The following NFXL1 variants were observed in gnomAD, a reference collection of about 807,000 sequenced individuals.
NFXL1 encodes the protein nuclear transcription factor, X-box binding like 1.
NFXL1 carries 66 observed loss-of-function variants against 123.3 expected under a neutral mutation model. The observed-to-expected ratio is 0.54, with a 90% CI of 0.44 to 0.66. The LOEUF (loss-of-function observed/expected upper bound fraction) is 0.66, where lower values mean the gene tolerates loss of function less well. Ranked by LOEUF, NFXL1 falls within the 30% of genes least tolerant of loss-of-function variation. The probability of loss-of-function intolerance (pLI) is 0.00; values close to 1 mark genes in which losing one functional copy is unlikely to be tolerated. For missense variants in NFXL1, 944 were observed against 1,125.6 expected, an observed-to-expected ratio of 0.84 and a Z score of 2.31; for synonymous variants, 346 against 360.8, an observed-to-expected ratio of 0.96 and a Z score of 0.46.
intron 9 of NFXL1, among the ~76,000 whole-genome samples, chr4:47,897,681 T>C (rs773236403): frequency 2.0e-5 from 3 of 152,108 alleles, no homozygotes; most frequent in Non-Finnish European, 4.4e-5. Flanking sequence ...ATGACATATA[T>C]CCACCATTAT....
At chr4:47,880,539 A>G (rs903418833) in intron 15 of NFXL1, among the ~76,000 whole-genome samples, 1 of 151,848 alleles carries the variant, frequency 6.6e-6, no homozygotes, top group Non-Finnish European at 1.5e-5. Flanking sequence ...TCAATAAGAA[A>G]GCAAATAACG....
chr4:47,902,315 C>G (rs1428282546), intron 5 of NFXL1, among the ~76,000 whole-genome samples: 2 of 152,148 alleles, frequency 1.3e-5, no homozygotes, highest in African/African-American at 4.8e-5. Context: ...CTCTGGGCAG[C>G]CAATATGAAT....
chr4:47,851,946 C>A lies in NFXL1; in HGVS notation c.2422-4G>T. On this transcript the variant is annotated splice_region_variant and splice_polypyrimidine_tract_variant and intron_variant, in intron 20 of 22. Transcript: ENST00000507489. Reference sequence around the variant, plus strand: ...GTACTTTGTTGCACTGCAATTCCTACAAACAACCCGATTTTCAAATTTTAA... The same window carrying A: ...GTACTTTGTTGCACTGCAATTCCTAAAAACAACCCGATTTTCAAATTTTAA... 2 of 1,598,040 alleles carry A rather than the reference C, an allele frequency of 1.3e-6. No homozygotes were observed. The highest frequency in any genetic ancestry group is 1.7e-6 in the Non-Finnish European group (2 of 1,167,392).
chr4:47,867,238 C>CA (rs1735153767), intron 18 of NFXL1, among the ~76,000 whole-genome samples: 2 of 127,700 alleles, frequency 1.6e-5, no homozygotes, highest in African/African-American at 5.2e-5. Flanking sequence ...TGATTGAATT[C>CA]AGGAAAAAAA....
intron 2 of NFXL1, among the ~76,000 whole-genome samples, chr4:47,912,711 G>T (rs371907611): frequency 1.2e-3 from 180 of 144,878 alleles, no homozygotes; most frequent in African/African-American, 4.3e-3. Context: ...GCCCGCCTCG[G>T]CCTCCCAAAG....
chr4:47,864,447 G>A (rs866121064), intron 18 of NFXL1, among the ~76,000 whole-genome samples: 4 of 152,012 alleles, frequency 2.6e-5, no homozygotes, highest in Admixed American at 6.6e-5. Context: ...GACCTACCTT[G>A]TCTGATTGTA....
At chr4:47,851,487 A>C (rs1734113691) in intron 21 of NFXL1, among the ~76,000 whole-genome samples, 1 of 152,100 alleles carries the variant, frequency 6.6e-6, no homozygotes, top group East Asian at 1.9e-4. Flanking sequence ...ATCTAGAATT[A>C]ATTATTAAAT....
chr4:47,859,077 CA>C (rs1361531060), intron 19 of NFXL1, among the ~76,000 whole-genome samples: 21 of 152,182 alleles, frequency 1.4e-4, no homozygotes, highest in Non-Finnish European at 2.2e-4. Context: ...TAGCAAAAAA[CA>C]GAGGTCTTTC....
At chr4:47,858,714 G>A (rs1734557774) in intron 19 of NFXL1, among the ~76,000 whole-genome samples, 1 of 152,126 alleles carries the variant, frequency 6.6e-6, no homozygotes, top group Non-Finnish European at 1.5e-5. Flanking sequence ...CTATAAAAAG[G>A]CAATGGTGGT....
Position 47,875,144 on chromosome 4 carries a change from G to C in NFXL1, c.2229C>G (p.Ser743Arg). Reference sequence around the variant, plus strand: ...CTACTTACCTACATTCCACATACAGGCTTGTGATCTTACAGTGACATTTTA... The same window carrying C: ...CTACTTACCTACATTCCACATACAGCCTTGTGATCTTACAGTGACATTTTA... Reference protein sequence around the residue: ...LRIKCHCKITSLYVECRKITT... With the variant: ...LRIKCHCKITRLYVECRKITT... Residue 743 changes from serine (S) to arginine (R), a missense_variant, in exon 18 of 23, where the codon AGC becomes AGG. By Grantham distance (110) the Ser-to-Arg change is moderately radical (BLOSUM62 -1). Around this residue, in one of 4 missense-constraint regions of NFXL1, gnomAD observed 301 missense variants for 348.0 expected, o/e 0.86. Transcript: ENST00000507489. 6.2e-7 allele frequency: 1 copy of C among 1,608,742 alleles called. No individual in the cohort carries two copies. Among genetic ancestry groups the C allele is most frequent in the Non-Finnish European group, 8.5e-7 (1 of 1,175,868 alleles).
chr4:47,911,109 A>G lies in NFXL1; in HGVS notation c.236-115T>C, dbSNP rs560294465. 5 of 571,714 alleles carry G rather than the reference A, an allele frequency of 8.7e-6. No individual in the cohort carries two copies. The East Asian group carries it at 1.3e-4, about 15-fold the overall frequency. The allele number at this position is 571,714 out of a possible 1,614,324, so 35.4% of individuals were successfully genotyped here. On this transcript the variant is annotated intron_variant, in intron 2 of 22. Coordinates refer to ENST00000507489, the MANE Select transcript of NFXL1 (RefSeq NM_001278624.2). ...TTGAAAGTCACCTTTGGAGCATTCTACCTTCCTGTAATCCACGAGAAAAGT... is the reference window on the plus strand; with the variant it reads ...TTGAAAGTCACCTTTGGAGCATTCTGCCTTCCTGTAATCCACGAGAAAAGT...
chr4:47,864,422 G>A (rs532711789), intron 18 of NFXL1, among the ~76,000 whole-genome samples: 17 of 152,114 alleles, frequency 1.1e-4, no homozygotes, highest in Non-Finnish European at 1.9e-4. Flanking sequence ...TGAGCAGGCC[G>A]TAAAGAAATT....
Position 47,914,054 on chromosome 4 carries a change from A to T in NFXL1, c.150T>A (p.Ser50Arg). 2 of 1,549,574 alleles carry T rather than the reference A, an allele frequency of 1.3e-6. No homozygotes were observed. The highest frequency in any genetic ancestry group is 1.7e-6 in the Non-Finnish European group (2 of 1,146,918). The change falls in exon 2 of 23, where the codon AGT becomes AGA. Residue 50 changes from serine (S) to arginine (R), a missense_variant. This residue lies in a region of NFXL1 where 303 missense variants were observed against 292.1 expected (regional missense o/e 1.04). Coordinates refer to ENST00000507489, the MANE Select transcript of NFXL1 (RefSeq NM_001278624.2). The part of the protein sequence containing the change: ...GSVGAVPSGT[S>R]PGGVATTAAA... ...CCGCCGTGGTCGCGACTCCTCCGGG[A>T]CTGGTGCCAGAAGGAACTGCGCCCA...
At chr4:47,888,439 TG>T (rs756603159) in intron 12 of NFXL1, among the ~76,000 whole-genome samples, 2 of 152,182 alleles carry the variant, frequency 1.3e-5, no homozygotes, top group African/African-American at 2.4e-5. Context: ...TAACTGTAGA[TG>T]AAACAAATAT....
Position 47,898,757 on chromosome 4 carries a change from T to C in NFXL1, c.1089A>G (p.Gln363=), listed in dbSNP as rs750288475. ...CCCCTCAAAATGCATATAAACTTAC[T>C]TGATCACAGTGCCATAGTGGACTTG... ...SCASPLWHCD[Q]VCGKTLPCGN... Residue 363 remains glutamine, a splice_region_variant and synonymous_variant, in exon 8 of 23, where the codon CAA becomes CAG. Coordinates refer to ENST00000507489, the MANE Select transcript of NFXL1 (RefSeq NM_001278624.2). 2.6e-6 allele frequency: 4 copies of C among 1,527,850 alleles called. No individual in the cohort carries two copies. Among genetic ancestry groups the C allele is most frequent in the African/African-American group, 1.4e-5 (1 of 73,138 alleles). 94.6% of individuals were successfully genotyped at this position (1,527,850 alleles called of 1,614,324 possible).
In NFXL1 at chr4:47,914,408, G is replaced by C. The variant is rs1052463991; in HGVS notation, c.-46C>G. On this transcript the variant is annotated 5_prime_UTR_variant, in exon 1 of 23. Coordinates refer to ENST00000507489, the MANE Select transcript of NFXL1 (RefSeq NM_001278624.2). ...CAAGCCCGGGCTTTGGAGATGGACC[G>C]AAGAGGGGAGGGAGGACTAGGTACA... is the stretch of plus-strand genomic sequence containing the variant. 9.6e-5 allele frequency: 51 copies of C among 533,030 alleles called. No individual in the cohort carries two copies. The highest frequency in any genetic ancestry group is 1.4e-4 in the Non-Finnish European group (43 of 299,110). 33.0% of individuals were successfully genotyped at this position (533,030 alleles called of 1,614,324 possible). A position where few individuals can be genotyped will look rare whatever the true frequency, so the allele number is the denominator to read the frequency against.
chr4:47,906,272 G>A (rs1298683839), intron 3 of NFXL1, among the ~76,000 whole-genome samples: 4 of 152,136 alleles, frequency 2.6e-5, no homozygotes, highest in South Asian at 2.1e-4. Flanking sequence ...GTTCAATAGT[G>A]GTTAACTGAG....
At chr4:47,905,922 C>T (rs1737548291) in intron 3 of NFXL1, among the ~76,000 whole-genome samples, 1 of 151,874 alleles carries the variant, frequency 6.6e-6, no homozygotes, top group African/African-American at 2.4e-5. Context: ...AAAACAGTAC[C>T]TGACATTATT....
At chr4:47,878,502 T>G (rs755858939) in intron 17 of NFXL1, 23 bp downstream of exon 17, 1 of 1,509,136 alleles carries the variant, frequency 6.6e-7, no homozygotes, top group Non-Finnish European at 8.9e-7. Flanking sequence ...TGGGCAGATA[T>G]ACATTCAATC....
Sources: allele counts gnomAD v4.1 joint callset (sites outside exome capture counted in the v4.1 genomes callset), GRCh38; gene constraint gnomAD v4.1.1; regional missense constraint gnomAD v4.1.1; transcripts MANE v1.5; gene names NCBI Gene and HGNC (gene_info 2026-07-23, HGNC 2026-07-21).